LRRTM4: variants seen among roughly 807,000 people sequenced by gnomAD.
LRRTM4 encodes leucine-rich repeat transmembrane neuronal protein 4.
In LRRTM4, 25 loss-of-function variants were observed where a neutral mutation model predicts 47.6. That is an observed-to-expected ratio of 0.53 (90% CI 0.38 to 0.73). LRRTM4 has a LOEUF of 0.73. LRRTM4 is among the 30% of genes least tolerant of loss of function. The probability of loss-of-function intolerance (pLI) is 0.00; values close to 1 mark genes in which losing one functional copy is unlikely to be tolerated. For synonymous variants in LRRTM4, 311 were observed against 269.5 expected (o/e 1.15, Z -1.51); for missense variants, 638 against 713.4 (o/e 0.89, Z 1.20).
intron 3 of LRRTM4, among the ~76,000 whole-genome samples, chr2:76,884,660 T>A (rs1673019896): frequency 6.6e-6 from 1 of 152,134 alleles, no homozygotes; most frequent in Admixed American, 6.6e-5. Context: ...CAAAACAAAC[T>A]TAGGCATGGT....
Position 77,518,558 on chromosome 2 carries a change from G to A in LRRTM4, c.1311C>T (p.Ala437=). 2 of 1,613,402 alleles carry A rather than the reference G, an allele frequency of 1.2e-6. No individual in the cohort carries two copies. The highest frequency in any genetic ancestry group is 1.7e-6 in the Non-Finnish European group (2 of 1,179,606). Residue 437 remains alanine, a synonymous_variant, in exon 3 of 4, where the codon GCC becomes GCT. Transcript: ENST00000409884. Reference sequence around the variant, plus strand: ...ACACATAGATCACCAAGAGGATCATGGCCACTGAGAGAAAGAGAGCCACAC... The same window carrying A: ...ACACATAGATCACCAAGAGGATCATAGCCACTGAGAGAAAGAGAGCCACAC... The part of the protein sequence containing the change: ...AGSVALFLSV[A]MILLVIYVSW...
At chr2:77,443,707 TA>T (rs2103935173) in intron 3 of LRRTM4, among the ~76,000 whole-genome samples, 1 of 152,268 alleles carries the variant, frequency 6.6e-6, no homozygotes, top group Admixed American at 6.5e-5. Flanking sequence ...TAATATGATA[TA>T]AACATTGTTC....
intron 3 of LRRTM4, among the ~76,000 whole-genome samples, chr2:76,976,216 CCATT>C (rs1307570351): frequency 6.6e-6 from 1 of 151,628 alleles, no homozygotes; most frequent in Non-Finnish European, 1.5e-5. Flanking sequence ...GTGTCATTAA[CCATT>C]CAAAGAGCCT....
At chr2:76,792,780 C>G (rs1464113983) in intron 3 of LRRTM4, among the ~76,000 whole-genome samples, 2 of 152,106 alleles carry the variant, frequency 1.3e-5, no homozygotes, top group South Asian at 2.1e-4. Flanking sequence ...CTTCTCTCCT[C>G]AACTTAGAAA....
In LRRTM4 at chr2:77,367,064, G is replaced by C. The variant is rs1241851670; in HGVS notation, c.1551+151254C>G. On this transcript the variant is annotated intron_variant, in intron 3 of 3. Coordinates refer to ENST00000409884, the MANE Select transcript of LRRTM4 (RefSeq NM_001134745.3). ...TCCATTTAATGCATACTGGCTATTT[G>C]TCAATCTCTCATATTCTCTATGTCC... Among the ~76,000 whole-genome samples the C allele has an allele frequency of 2.6e-5, 4 of 151,510 alleles. No individual in the cohort carries two copies. The South Asian group carries it at 6.2e-4, about 24-fold the overall frequency.
intron 3 of LRRTM4, among the ~76,000 whole-genome samples, chr2:76,762,523 T>A (rs1673296057): frequency 6.6e-6 from 1 of 152,224 alleles, no homozygotes; most frequent in African/African-American, 2.4e-5. Flanking sequence ...CTGTGTATTA[T>A]GATTTAATTT....
chr2:77,003,323 T>C (rs1677506242), intron 3 of LRRTM4, among the ~76,000 whole-genome samples: 1 of 152,130 alleles, frequency 6.6e-6, no homozygotes, highest in African/African-American at 2.4e-5. Flanking sequence ...ATGTAGAGCT[T>C]ATAATATACT....
chr2:76,955,207 A>G lies in LRRTM4; in HGVS notation c.1552-206291T>C, dbSNP rs570268098. Among the ~76,000 whole-genome samples the G allele has an allele frequency of 5.0e-4, 76 of 151,998 alleles. 1 individual carries two copies. The highest frequency in any genetic ancestry group is 3.4e-3 in the Middle Eastern group (1 of 294). On this transcript the variant is annotated intron_variant, in intron 3 of 3. Coordinates refer to ENST00000409884, the MANE Select transcript of LRRTM4 (RefSeq NM_001134745.3). Reference sequence around the variant, plus strand: ...TATGGTAATTCTGTAATGGTGATGTATAAATAACTTTTAATTCTGAAGTAG... The same window carrying G: ...TATGGTAATTCTGTAATGGTGATGTGTAAATAACTTTTAATTCTGAAGTAG...
intron 3 of LRRTM4, among the ~76,000 whole-genome samples, chr2:76,859,490 T>A (rs1303060775): frequency 6.6e-6 from 1 of 152,154 alleles, no homozygotes; most frequent in African/African-American, 2.4e-5. Context: ...GTTAAAATGA[T>A]GTGAAAAAAG....
chr2:77,477,953 AAGAAAGAAAG>A (rs1313597994), intron 3 of LRRTM4, among the ~76,000 whole-genome samples: 20 of 140,968 alleles, frequency 1.4e-4, no homozygotes, highest in African/African-American at 4.6e-4. Context: ...GAAAGAAAGA[AAGAAAGAAAG>A]AAAGAAAAAG....
At chr2:77,275,030 C>T (rs568082431) in intron 3 of LRRTM4, among the ~76,000 whole-genome samples, 1 of 151,944 alleles carries the variant, frequency 6.6e-6, no homozygotes, top group South Asian at 2.1e-4. Flanking sequence ...AGAAACTACA[C>T]GCTGTCCAAA....
At chr2:76,792,464 A>G (rs1049473528) in intron 3 of LRRTM4, among the ~76,000 whole-genome samples, 3 of 152,240 alleles carry the variant, frequency 2.0e-5, no homozygotes, top group Admixed American at 6.5e-5. Context: ...ATCCAAAGAT[A>G]GAAGGATATA....
intron 3 of LRRTM4, among the ~76,000 whole-genome samples, chr2:77,485,166 T>G (rs1012486783): frequency 6.6e-6 from 1 of 151,906 alleles, no homozygotes; most frequent in African/African-American, 2.4e-5. Context: ...AATATAAATA[T>G]AAAATATAGA....
At chr2:77,230,020 A>G (rs1454711734) in intron 3 of LRRTM4, among the ~76,000 whole-genome samples, 1 of 152,158 alleles carries the variant, frequency 6.6e-6, no homozygotes, top group African/African-American at 2.4e-5. Context: ...ATAATACAGG[A>G]GAGCAAGTCT....
At chr2:77,293,669 A>G (rs1001556642) in intron 3 of LRRTM4, among the ~76,000 whole-genome samples, 2 of 152,160 alleles carry the variant, frequency 1.3e-5, no homozygotes, top group African/African-American at 4.8e-5. Context: ...GCTGATTCAC[A>G]GCCACTTACT....
chr2:77,171,623 T>C (rs1673051822), intron 3 of LRRTM4, among the ~76,000 whole-genome samples: 2 of 152,016 alleles, frequency 1.3e-5, no homozygotes, highest in African/African-American at 2.4e-5. Context: ...ATATAAGATA[T>C]AGGTCATATA....
chr2:77,291,993 T>G (rs1052967192), intron 3 of LRRTM4, among the ~76,000 whole-genome samples: 2 of 151,340 alleles, frequency 1.3e-5, no homozygotes, highest in Non-Finnish European at 3.0e-5. Flanking sequence ...TCAAACAAAT[T>G]TACAAGAAAA....
intron 3 of LRRTM4, among the ~76,000 whole-genome samples, chr2:76,863,707 C>CA (rs1298504618): frequency 1.3e-5 from 2 of 152,108 alleles, no homozygotes; most frequent in Admixed American, 6.5e-5. Context: ...TACTTATACA[C>CA]AAAAAACACA....
chr2:77,072,596 G>A (rs754921655), intron 3 of LRRTM4, among the ~76,000 whole-genome samples: 5 of 151,966 alleles, frequency 3.3e-5, no homozygotes, highest in African/African-American at 9.6e-5. Flanking sequence ...TCAGAAGTTC[G>A]AGACCAGCCT....
Sources: allele counts gnomAD v4.1 joint callset (sites outside exome capture counted in the v4.1 genomes callset), GRCh38; gene constraint gnomAD v4.1.1; transcripts MANE v1.5; gene names NCBI Gene and HGNC (gene_info 2026-07-23, HGNC 2026-07-21).